The following AR variants were observed in gnomAD, a reference collection of about 807,000 sequenced individuals.
AR encodes androgen receptor.
A neutral mutation model predicts 53.9 loss-of-function variants in AR; 8 were observed. The ratio of observed to expected loss-of-function variants is 0.15; its 90% CI spans 0.09 to 0.27. The LOEUF (loss-of-function observed/expected upper bound fraction) is 0.27, where lower values mean the gene tolerates loss of function less well. AR is among the 10% of genes least tolerant of loss of function. The pLI, the probability that AR is intolerant of heterozygous loss-of-function variation, is 1.00. For synonymous variants in AR, 359 were observed against 316.4 expected (o/e 1.13, Z -1.43); for missense variants, 639 against 742.5 (o/e 0.86, Z 1.62).
rs754256272 is a variant in AR, at chrX:67,558,974, C to A, written c.1616+12212C>A. Reference sequence around the variant, plus strand: ...TAAGTGGAAGTGCCAATATTAGAATCTAGGTAGTTCAGCTCCACAACTTAT... The same window carrying A: ...TAAGTGGAAGTGCCAATATTAGAATATAGGTAGTTCAGCTCCACAACTTAT... On this transcript the variant is annotated intron_variant, in intron 1 of 7. Transcript: ENST00000374690. 7.1e-5 allele frequency among the ~76,000 whole-genome samples: 8 copies of A among 112,080 alleles called. No individual in the cohort carries two copies. In the South Asian group the frequency reaches 3.0e-3, roughly 42 times the overall value.
At chrX:67,668,696 C>T (rs1192889446) in intron 2 of AR, among the ~76,000 whole-genome samples, 2 of 111,064 alleles carry the variant, frequency 1.8e-5, no homozygotes, top group African/African-American at 3.3e-5. Flanking sequence ...GGGCTTTTTA[C>T]TGCTGGGGAG....
chrX:67,590,856 C>A (rs931848891), intron 1 of AR, among the ~76,000 whole-genome samples: 1 of 112,206 alleles, frequency 8.9e-6, no homozygotes, highest in Admixed American at 9.5e-5. Context: ...GTATTAAGTT[C>A]TGATGTCTGA....
chrX:67,701,108 C>T (rs1569309743), intron 3 of AR, among the ~76,000 whole-genome samples: 1 of 111,845 alleles, frequency 8.9e-6, no homozygotes, highest in African/African-American at 3.2e-5. Context: ...ATAATACAGC[C>T]ACTAACTACA....
At chrX:67,636,340 A>C (rs1244195116) in intron 1 of AR, among the ~76,000 whole-genome samples, 1 of 111,832 alleles carries the variant, frequency 8.9e-6, no homozygotes, top group Admixed American at 9.5e-5. Context: ...CATTTTGATA[A>C]GTTTTCACAT....
At chrX:67,661,289 GC>G (rs1279998454) in intron 2 of AR, among the ~76,000 whole-genome samples, 1 of 110,657 alleles carries the variant, frequency 9.0e-6, no homozygotes, top group Non-Finnish European at 1.9e-5. Flanking sequence ...CCTGTCTTGT[GC>G]CAGTTTTCAA....
intron 4 of AR, 141 bp from the exon 5 acceptor site, chrX:67,717,337 C>T: frequency 1.2e-6 from 1 of 801,994 alleles, no homozygotes. Context: ...CCCCACCACC[C>T]CTTAATGGCC....
chrX:67,696,780 C>T (rs2076022634), intron 3 of AR, among the ~76,000 whole-genome samples: 1 of 111,340 alleles, frequency 9.0e-6, no homozygotes, highest in Non-Finnish European at 1.9e-5. Flanking sequence ...CATCCCTGTC[C>T]TAGTTCTTCC....
chrX:67,730,288 C>T lies in AR; in HGVS notation c.*6447C>T, dbSNP rs1339171303. 1 of 174,242 alleles carries T rather than the reference C, an allele frequency of 5.7e-6. No individual in the cohort carries two copies. Among genetic ancestry groups the T allele is most frequent in the Non-Finnish European group, 1.1e-5 (1 of 91,449 alleles). 14.4% of individuals were successfully genotyped at this position (174,242 alleles called of 1,213,427 possible). Reference sequence around the variant, plus strand: ...CATTTCTCACGGTGGCACTTGGCCTCCACTGGGCAGCAGGACCAGCTCCAA... The same window carrying T: ...CATTTCTCACGGTGGCACTTGGCCTTCACTGGGCAGCAGGACCAGCTCCAA... On this transcript the variant is annotated 3_prime_UTR_variant, in exon 8 of 8. Coordinates refer to ENST00000374690, the MANE Select transcript of AR (RefSeq NM_000044.6).
chrX:67,674,065 G>A (rs2075883612), intron 2 of AR, among the ~76,000 whole-genome samples: 1 of 110,303 alleles, frequency 9.1e-6, no homozygotes. Flanking sequence ...TAGAGTTACT[G>A]CCTGCATGCT....
chrX:67,650,329 C>T (rs1280275324), intron 2 of AR, among the ~76,000 whole-genome samples: 2 of 111,883 alleles, frequency 1.8e-5, no homozygotes, highest in Non-Finnish European at 3.8e-5. Context: ...CTACAGTAAC[C>T]CTTATCAATT....
At chrX:67,588,812 A>G (rs1473522007) in intron 1 of AR, among the ~76,000 whole-genome samples, 1 of 111,772 alleles carries the variant, frequency 8.9e-6, no homozygotes, top group East Asian at 2.8e-4. Context: ...TGTGGGGTGG[A>G]CAGTTTGTCA....
chrX:67,684,705 A>G (rs1003889202), intron 2 of AR, among the ~76,000 whole-genome samples: 1 of 112,157 alleles, frequency 8.9e-6, no homozygotes, highest in Non-Finnish European at 1.9e-5. Flanking sequence ...TGTTCTTGCA[A>G]GTAGCACTTT....
At chrX:67,709,074 C>T (rs1021987502) in intron 3 of AR, among the ~76,000 whole-genome samples, 23 of 112,218 alleles carry the variant, frequency 2.0e-4, no homozygotes, top group Admixed American at 1.3e-3. Context: ...CCCAGTTAGG[C>T]TACTCGGGGG....
intron 1 of AR, among the ~76,000 whole-genome samples, chrX:67,589,412 T>C (rs979425887): frequency 1.8e-5 from 2 of 111,460 alleles, no homozygotes; most frequent in Non-Finnish European, 3.8e-5. Context: ...CCTTACAGAG[T>C]GTGTATGTTA....
At chrX:67,677,584 A>G (rs1372759857) in intron 2 of AR, among the ~76,000 whole-genome samples, 1 of 112,244 alleles carries the variant, frequency 8.9e-6, no homozygotes, top group Non-Finnish European at 1.9e-5. Context: ...GAGTGTGAAT[A>G]TAGCCTCTTA....
At chrX:67,639,354 G>T (rs899545884) in intron 1 of AR, among the ~76,000 whole-genome samples, 3 of 111,858 alleles carry the variant, frequency 2.7e-5, no homozygotes, top group Admixed American at 9.5e-5. Context: ...ATTCTGCGAA[G>T]AAAGTCATTG....
At chrX:67,630,778 C>A (rs1025637840) in intron 1 of AR, among the ~76,000 whole-genome samples, 3 of 110,450 alleles carry the variant, frequency 2.7e-5, no homozygotes, top group African/African-American at 9.9e-5. Context: ...CGGCTGGTAC[C>A]GGTCGTTCCT....
At chrX:67,560,498 T>C (rs1921250499) in intron 1 of AR, among the ~76,000 whole-genome samples, 1 of 112,108 alleles carries the variant, frequency 8.9e-6, no homozygotes. Flanking sequence ...TCTTATTTTT[T>C]CCCTATTCTT....
At chrX:67,563,512 A>C (rs1027339862) in intron 1 of AR, among the ~76,000 whole-genome samples, 22 of 111,717 alleles carry the variant, frequency 2.0e-4, no homozygotes, top group Non-Finnish European at 7.5e-5. Context: ...TAGTAGTAGT[A>C]GTCCAGACAA....
Sources: gnomAD v4.1 joint callset for allele counts (sites outside exome capture counted in the v4.1 genomes callset) on GRCh38, gnomAD v4.1.1 for gene constraint, MANE v1.5 for transcripts, NCBI Gene and HGNC (gene_info 2026-07-23, HGNC 2026-07-21) for gene names.